The following SDK1 variants were observed in gnomAD, a reference collection of about 807,000 sequenced individuals.
SDK1 encodes protein sidekick-1.
SDK1 carries 157 observed loss-of-function variants against 245.5 expected under a neutral mutation model. The ratio of observed to expected loss-of-function variants is 0.64; its 90% CI spans 0.56 to 0.73. The LOEUF (loss-of-function observed/expected upper bound fraction) is 0.73. Ranked by LOEUF, SDK1 falls within the 30% of genes least tolerant of loss-of-function variation. The pLI is 0.00. For missense variants in SDK1, 3,583 were observed against 3,002.3 expected (o/e 1.19, Z -4.52); for synonymous variants, 1,647 against 1,278.5 (o/e 1.29, Z -6.15).
rs139273306 is a variant in SDK1, at chr7:3,497,986, T to C, written c.299-121094T>C. Among the ~76,000 whole-genome samples the C allele has an allele frequency of 5.2e-3, 790 of 152,356 alleles. 5 individuals carry two copies. The highest frequency in any genetic ancestry group is 0.018 in the African/African-American group (762 of 41,574). ...TGACCTTATCACGGAGACAGCTTTA[T>C]GCAGTTTGACAGTTCAGCCATCTGG... On this transcript the variant is annotated intron_variant, in intron 1 of 44. Transcript: ENST00000404826.
At chr7:3,974,640 C>T (rs1782762117) in intron 13 of SDK1, 95 bp downstream of exon 13, 1 of 1,230,272 alleles carries the variant, frequency 8.1e-7, no homozygotes. Flanking sequence ...TCACGCCCGG[C>T]TTGTGTCCCA....
intron 1 of SDK1, among the ~76,000 whole-genome samples, chr7:3,491,046 A>G (rs534741679): frequency 6.6e-6 from 1 of 152,252 alleles, no homozygotes; most frequent in East Asian, 1.9e-4. Flanking sequence ...TCTAGTCTTC[A>G]CAGTAACCTC....
chr7:4,261,244 G>A (rs976876522), intron 44 of SDK1, among the ~76,000 whole-genome samples: 6 of 152,114 alleles, frequency 3.9e-5, no homozygotes, highest in African/African-American at 1.4e-4. Flanking sequence ...CTGCCCGGGT[G>A]CTGATGTGGG....
intron 5 of SDK1, among the ~76,000 whole-genome samples, chr7:3,880,796 C>T (rs930107246): frequency 1.3e-5 from 2 of 152,058 alleles, no homozygotes; most frequent in Non-Finnish European, 2.9e-5. Flanking sequence ...CTGCGGCTCG[C>T]ACAGCTTTGC....
At chr7:4,208,491 G>A (rs937120666) in intron 37 of SDK1, among the ~76,000 whole-genome samples, 2 of 152,242 alleles carry the variant, frequency 1.3e-5, no homozygotes, top group Admixed American at 6.5e-5. Context: ...ACACAGTGGC[G>A]CTAAATAAAT....
chr7:4,267,391 A>C lies in SDK1; in HGVS notation c.*2007A>C. 3.0e-6 allele frequency: 3 copies of C among 984,858 alleles called. No individual in the cohort carries two copies. Among genetic ancestry groups the C allele is most frequent in the Non-Finnish European group, 3.6e-6 (3 of 829,790 alleles). The allele number at this position is 984,858 out of a possible 1,614,324, so 61.0% of individuals were successfully genotyped here. ...AGTGGAGGGGGAAATATTCTAAACCAAAAATCCTAGATGCTCTGCCCAAAG... is the reference window on the plus strand; with the variant it reads ...AGTGGAGGGGGAAATATTCTAAACCCAAAATCCTAGATGCTCTGCCCAAAG... On this transcript the variant is annotated 3_prime_UTR_variant, in exon 45 of 45. Coordinates refer to ENST00000404826, the MANE Select transcript of SDK1 (RefSeq NM_152744.4).
chr7:3,377,904 G>C (rs193197902), intron 1 of SDK1, among the ~76,000 whole-genome samples: 3 of 151,958 alleles, frequency 2.0e-5, no homozygotes, highest in Non-Finnish European at 4.4e-5. Flanking sequence ...TCAGCCTCCC[G>C]AGTAGCTGGG....
intron 35 of SDK1, among the ~76,000 whole-genome samples, chr7:4,183,470 C>G (rs1782706465): frequency 6.6e-6 from 1 of 151,814 alleles, no homozygotes; most frequent in African/African-American, 2.4e-5. Context: ...CCCATCTCTA[C>G]TAAAAATACA....
At chr7:3,764,384 AG>A (rs1199505968) in intron 4 of SDK1, among the ~76,000 whole-genome samples, 1 of 152,222 alleles carries the variant, frequency 6.6e-6, no homozygotes, top group East Asian at 1.9e-4. Flanking sequence ...TGCAATTCAT[AG>A]ATTAAAATAA....
rs542853903 is a variant in SDK1 at position 3,723,943 on chromosome 7, T to TAGAG, written c.713+81870_713+81873dup. On this transcript the variant is annotated intron_variant, in intron 4 of 44. Transcript: ENST00000404826. ...ATACACGTATATATATATATATATA[T>TAGAG]AGAGAGAGAGAGAGAGAGAGAGAGA... Among the ~76,000 whole-genome samples, 38 of 89,694 alleles carry TAGAG rather than the reference T, an allele frequency of 4.2e-4. 1 individual carries two copies. The highest frequency in any genetic ancestry group is 1.5e-3 in the South Asian group (4 of 2,620). 58.8% of individuals were successfully genotyped at this position (89,694 alleles called of 152,430 possible).
At chr7:3,302,613 C>A (rs1036121213) in intron 1 of SDK1, among the ~76,000 whole-genome samples, 3 of 151,554 alleles carry the variant, frequency 2.0e-5, no homozygotes, top group African/African-American at 7.3e-5. Context: ...CTTCCCTCCA[C>A]CCCCTCCCCG....
chr7:3,344,512 A>C (rs12700808), intron 1 of SDK1, among the ~76,000 whole-genome samples: 29 of 151,990 alleles, frequency 1.9e-4, no homozygotes, highest in African/African-American at 7.0e-4. Flanking sequence ...TTGATATGGA[A>C]GCTTAAAAGA....
At chr7:3,421,919 C>T (rs939720451) in intron 1 of SDK1, among the ~76,000 whole-genome samples, 1 of 152,118 alleles carries the variant, frequency 6.6e-6, no homozygotes, top group South Asian at 2.1e-4. Context: ...TCTGTAATCC[C>T]AGCACTTCTG....
intron 4 of SDK1, among the ~76,000 whole-genome samples, chr7:3,730,406 T>A (rs1779144009): frequency 6.6e-6 from 1 of 152,180 alleles, no homozygotes; most frequent in Non-Finnish European, 1.5e-5. Context: ...TTGCCAAGAT[T>A]CTGAATCTTC....
chr7:3,937,046 G>A (rs1780186967), intron 5 of SDK1, among the ~76,000 whole-genome samples: 1 of 152,186 alleles, frequency 6.6e-6, no homozygotes, highest in African/African-American at 2.4e-5. Flanking sequence ...GCCTGGTCTT[G>A]ACTGGCATGT....
At chr7:3,874,836 T>C (rs1313643659) in intron 5 of SDK1, among the ~76,000 whole-genome samples, 2 of 152,194 alleles carry the variant, frequency 1.3e-5, no homozygotes, top group Non-Finnish European at 2.9e-5. Context: ...ATTAAAGCTT[T>C]TGTTCTTCCA....
intron 38 of SDK1, among the ~76,000 whole-genome samples, chr7:4,212,690 A>T (rs573855924): frequency 6.6e-6 from 1 of 152,210 alleles, no homozygotes; most frequent in Non-Finnish European, 1.5e-5. Context: ...TGCAGGGAGA[A>T]ACAGTAGAGA....
chr7:3,779,804 C>T (rs1025017228), intron 4 of SDK1, among the ~76,000 whole-genome samples: 4 of 151,800 alleles, frequency 2.6e-5, no homozygotes, highest in East Asian at 3.9e-4. Context: ...CGGTGGCGGG[C>T]GCCTGTAGTC....
chr7:3,324,792 T>TC (rs1258241600), intron 1 of SDK1, among the ~76,000 whole-genome samples: 2 of 152,288 alleles, frequency 1.3e-5, no homozygotes, highest in Admixed American at 1.3e-4. Context: ...TTTAAGTTTT[T>TC]CTCCTGTAAT....
Sources: allele counts gnomAD v4.1 joint callset (sites outside exome capture counted in the v4.1 genomes callset), GRCh38; gene constraint gnomAD v4.1.1; transcripts MANE v1.5; gene names NCBI Gene and HGNC (gene_info 2026-07-23, HGNC 2026-07-21).